Variants in TXLNB observed in about 807,000 individuals in gnomAD.
TXLNB encodes the protein taxilin beta, also known as beta-taxilin.
TXLNB carries 37 observed loss-of-function variants against 57.4 expected under a neutral mutation model. The ratio of observed to expected loss-of-function variants is 0.64; its 90% CI spans 0.50 to 0.85. The LOEUF (loss-of-function observed/expected upper bound fraction) is 0.85, where lower values mean the gene tolerates loss of function less well. TXLNB is among the 40% of genes least tolerant of loss of function. The probability of loss-of-function intolerance (pLI) is 0.00; values close to 1 mark genes in which losing one functional copy is unlikely to be tolerated. For synonymous variants in TXLNB, 302 were observed against 309.6 expected (o/e 0.98, Z 0.26); for missense variants, 848 against 825.6 (o/e 1.03, Z -0.33).
chr6:139,216,175 G>T, the TXLNB span, among the ~76,000 whole-genome samples: 58 of 151,972 alleles, frequency 3.8e-4, no homozygotes, highest in South Asian at 0.012. Flanking sequence ...ACATGCACAC[G>T]TATGTTTATT....
At chr6:139,258,342 C>G (rs1394896950) in intron 6 of TXLNB, among the ~76,000 whole-genome samples, 1 of 152,136 alleles carries the variant, frequency 6.6e-6, no homozygotes, top group African/African-American at 2.4e-5. Context: ...TCGTGTTATA[C>G]AGCAAAGTAC....
the TXLNB span, among the ~76,000 whole-genome samples, chr6:139,323,242 G>A: frequency 4.0e-5 from 6 of 151,696 alleles, no homozygotes; most frequent in African/African-American, 1.5e-4. Context: ...GAAACCTCTA[G>A]AGATGTATTA....
At chr6:139,210,201 TA>T in the TXLNB span, among the ~76,000 whole-genome samples, 5 of 150,968 alleles carry the variant, frequency 3.3e-5, no homozygotes, top group Admixed American at 1.3e-4. Flanking sequence ...ATAAAAAATT[TA>T]AAAAAAAACA....
the TXLNB span, among the ~76,000 whole-genome samples, chr6:139,232,322 AT>A: frequency 6.6e-6 from 1 of 152,204 alleles, no homozygotes; most frequent in Non-Finnish European, 1.5e-5. Flanking sequence ...TGCCCCCATG[AT>A]TTAATCACAT....
chr6:139,234,885 T>C, the TXLNB span, among the ~76,000 whole-genome samples: 2 of 152,116 alleles, frequency 1.3e-5, no homozygotes, highest in Non-Finnish European at 2.9e-5. Flanking sequence ...TGCTAGCCCA[T>C]GAAAGCAGCT....
the TXLNB span, among the ~76,000 whole-genome samples, chr6:139,224,696 G>C: frequency 6.6e-6 from 1 of 151,614 alleles, no homozygotes; most frequent in Non-Finnish European, 1.5e-5. Flanking sequence ...CAGGGAAAAT[G>C]GAAAATATAT....
chr6:139,197,441 T>C, the TXLNB span, among the ~76,000 whole-genome samples: 1 of 152,220 alleles, frequency 6.6e-6, no homozygotes, highest in Admixed American at 6.5e-5. Flanking sequence ...TAAATATTTC[T>C]TGAGTGTGTC....
intron 9 of TXLNB, 67 bp downstream of exon 9, chr6:139,244,528 T>C (rs1776025929): frequency 2.8e-6 from 3 of 1,090,030 alleles, no homozygotes; most frequent in African/African-American, 1.6e-5. Flanking sequence ...CAGGTTATAA[T>C]TGTATCGTAA....
At chr6:139,276,801 T>C (rs1562285078) in intron 3 of TXLNB, 29 bp downstream of exon 3, 1 of 1,567,886 alleles carries the variant, frequency 6.4e-7, no homozygotes, top group East Asian at 2.2e-5. Context: ...CTAATCGTTC[T>C]GAGAAAAGAA....
intron 2 of TXLNB, among the ~76,000 whole-genome samples, chr6:139,282,066 A>G (rs1777065918): frequency 1.3e-5 from 2 of 150,652 alleles, no homozygotes; most frequent in Admixed American, 1.3e-4. Flanking sequence ...TAGCTTCTCT[A>G]TGAATCTACC....
At chr6:139,175,752 T>C in the TXLNB span, among the ~76,000 whole-genome samples, 5 of 152,316 alleles carry the variant, frequency 3.3e-5, no homozygotes, top group South Asian at 1.0e-3. Context: ...GTGTTCTTTC[T>C]GGTACACCAT....
chr6:139,205,822 A>C, the TXLNB span, among the ~76,000 whole-genome samples: 621 of 152,328 alleles, frequency 4.1e-3, 3 homozygotes, highest in Non-Finnish European at 6.8e-3. Flanking sequence ...AGCTATAAGA[A>C]GCTCTCCTGG....
chr6:139,217,177 G>C, the TXLNB span, among the ~76,000 whole-genome samples: 1 of 152,164 alleles, frequency 6.6e-6, no homozygotes, highest in South Asian at 2.1e-4. Context: ...CCTAGCAGCA[G>C]ACCTAATGGC....
At chr6:139,213,928 G>A in the TXLNB span, among the ~76,000 whole-genome samples, 1,208 of 152,292 alleles carry the variant, frequency 7.9e-3, 7 homozygotes, top group Middle Eastern at 0.027. Context: ...ACTAAGCCAG[G>A]AAGAAGTTGA....
intron 2 of TXLNB, among the ~76,000 whole-genome samples, chr6:139,279,374 A>C (rs1474508194): frequency 6.6e-6 from 1 of 152,244 alleles, no homozygotes; most frequent in East Asian, 1.9e-4. Context: ...GAAGGTTAAC[A>C]TCCAGGTGCA....
At chr6:139,252,793 C>T (rs916640683) in intron 7 of TXLNB, among the ~76,000 whole-genome samples, 2 of 152,176 alleles carry the variant, frequency 1.3e-5, no homozygotes, top group African/African-American at 4.8e-5. Context: ...AGATCAAGAC[C>T]ATCCTGGCTA....
rs115854570 is a variant in TXLNB at position 139,253,804 on chromosome 6, G to A, written c.1077+1760C>T. ...GTAATCTACTCTGCTCAAGTTGATT[G>A]TCTTCATTTTGCATGGAGGAGTAGA... On this transcript the variant is annotated intron_variant, in intron 7 of 9. Coordinates refer to ENST00000358430, the MANE Select transcript of TXLNB (RefSeq NM_153235.4). Among the ~76,000 whole-genome samples the A allele has an allele frequency of 6.1e-3, 925 of 152,316 alleles. 8 individuals carry two copies. The highest frequency in any genetic ancestry group is 0.021 in the African/African-American group (887 of 41,564).
chr6:139,174,036 A>T, the TXLNB span, among the ~76,000 whole-genome samples: 1 of 152,226 alleles, frequency 6.6e-6, no homozygotes, highest in African/African-American at 2.4e-5. Context: ...ACTTTTGAGC[A>T]GGAAGTCCTG....
chr6:139,166,801 T>G, the TXLNB span: 168 of 1,613,562 alleles, frequency 1.0e-4, no homozygotes, highest in Non-Finnish European at 1.3e-4. Flanking sequence ...ACGGTGCCCG[T>G]TCCCCCGGTG....
Sources: gnomAD v4.1 joint callset for allele counts (sites outside exome capture counted in the v4.1 genomes callset) on GRCh38, gnomAD v4.1.1 for gene constraint, MANE v1.5 for transcripts, NCBI Gene and HGNC (gene_info 2026-07-23, HGNC 2026-07-21) for gene names.